RICTOR: variants seen among roughly 807,000 people sequenced by gnomAD.
RICTOR encodes rapamycin-insensitive companion of mTOR.
Under a neutral mutation model 214.9 loss-of-function variants are expected in RICTOR, and 49 were observed. The observed-to-expected ratio is 0.23, with a 90% CI of 0.18 to 0.29. The LOEUF (loss-of-function observed/expected upper bound fraction) is 0.29. Ranked by LOEUF, RICTOR falls within the 10% of genes least tolerant of loss-of-function variation. The probability of loss-of-function intolerance (pLI) is 1.00; values close to 1 mark genes in which losing one functional copy is unlikely to be tolerated. For synonymous variants in RICTOR, 717 were observed against 711.3 expected (o/e 1.01, Z -0.13); for missense variants, 1,625 against 2,047.0 (o/e 0.79, Z 3.98).
intron 2 of RICTOR, among the ~76,000 whole-genome samples, chr5:39,055,516 C>G (rs894533812): frequency 6.0e-5 from 9 of 149,498 alleles, no homozygotes; most frequent in African/African-American, 2.2e-4. Context: ...TGTTCTCCCC[C>G]CTAGACTATA....
intron 2 of RICTOR, among the ~76,000 whole-genome samples, chr5:39,043,134 C>A (rs1350620911): frequency 6.6e-6 from 1 of 151,892 alleles, no homozygotes; most frequent in African/African-American, 2.4e-5. Flanking sequence ...ATAAATATAG[C>A]CAAAGGAAAC....
chr5:38,986,454 T>C (rs1310337881), intron 7 of RICTOR, among the ~76,000 whole-genome samples: 2 of 152,202 alleles, frequency 1.3e-5, no homozygotes, highest in African/African-American at 4.8e-5. Flanking sequence ...TCTATAATAT[T>C]ACTGGAATTT....
intron 24 of RICTOR, 35 bp from the exon 25 acceptor site, chr5:38,957,765 G>T: frequency 8.4e-7 from 1 of 1,183,752 alleles, no homozygotes; most frequent in Non-Finnish European, 1.2e-6. Flanking sequence ...TTAACATTGA[G>T]TCTGGCAAAA....
At chr5:38,955,324 G>C (rs1749162353) in intron 26 of RICTOR, among the ~76,000 whole-genome samples, 2 of 151,938 alleles carry the variant, frequency 1.3e-5, no homozygotes, top group Admixed American at 1.3e-4. Flanking sequence ...GATAAGTGAT[G>C]TTCAACCTGT....
intron 2 of RICTOR, among the ~76,000 whole-genome samples, chr5:39,037,087 T>G (rs1432119649): frequency 6.6e-6 from 1 of 152,016 alleles, no homozygotes; most frequent in Non-Finnish European, 1.5e-5. Flanking sequence ...CCTCAGGAAA[T>G]GTAAAAGGAC....
intron 2 of RICTOR, among the ~76,000 whole-genome samples, chr5:39,040,688 T>C (rs1336013762): frequency 6.6e-6 from 1 of 152,008 alleles, no homozygotes; most frequent in Non-Finnish European, 1.5e-5. Context: ...CATAATTTTA[T>C]TACTTATATA....
chr5:38,953,136 T>G (rs749203500), intron 28 of RICTOR, 45 bp from the exon 29 acceptor site: 1 of 1,333,490 alleles, frequency 7.5e-7, no homozygotes, highest in Admixed American at 1.8e-5. Context: ...GAGTCACTCT[T>G]TCAAAAGATT....
At chr5:38,951,572 T>C (rs555662305) in intron 30 of RICTOR, among the ~76,000 whole-genome samples, 6 of 152,106 alleles carry the variant, frequency 3.9e-5, no homozygotes, top group Middle Eastern at 6.8e-3. Flanking sequence ...ACATAAAATA[T>C]TGGCATATTT....
chr5:39,047,619 A>C (rs976963453), intron 2 of RICTOR, among the ~76,000 whole-genome samples: 1 of 152,206 alleles, frequency 6.6e-6, no homozygotes, highest in Non-Finnish European at 1.5e-5. Context: ...CTATTCAAAA[A>C]CTATTATTTC....
intron 3 of RICTOR, among the ~76,000 whole-genome samples, chr5:39,008,335 C>G (rs1228595873): frequency 6.6e-6 from 1 of 152,000 alleles, no homozygotes; most frequent in Non-Finnish European, 1.5e-5. Context: ...TGAATACACA[C>G]AGAAGTAACA....
At chr5:39,023,918 T>C (rs924778085) in intron 2 of RICTOR, among the ~76,000 whole-genome samples, 1 of 152,212 alleles carries the variant, frequency 6.6e-6, no homozygotes, top group Non-Finnish European at 1.5e-5. Context: ...ATATTTTTAA[T>C]GTAAATAAAA....
At chr5:38,958,067 C>A (rs897196760) in intron 24 of RICTOR, among the ~76,000 whole-genome samples, 3 of 151,860 alleles carry the variant, frequency 2.0e-5, no homozygotes, top group Non-Finnish European at 2.9e-5. Flanking sequence ...GAAACTCCAA[C>A]TCTACTAAAA....
At chr5:38,968,856 C>A (rs535878670) in intron 11 of RICTOR, among the ~76,000 whole-genome samples, 1 of 151,812 alleles carries the variant, frequency 6.6e-6, no homozygotes, top group African/African-American at 2.4e-5. Context: ...TTCCAGTATA[C>A]TGCCCCTGGA....
At chr5:39,007,682 T>C (rs753629747) in intron 3 of RICTOR, among the ~76,000 whole-genome samples, 8 of 152,148 alleles carry the variant, frequency 5.3e-5, no homozygotes, top group Middle Eastern at 3.4e-3. Flanking sequence ...ATATGACATA[T>C]ATTCATTTTT....
chr5:38,962,502 T>C lies in RICTOR; in HGVS notation c.1651A>G (p.Ile551Val). The C allele has an allele frequency of 6.4e-7, 1 of 1,562,162 alleles. No homozygotes were observed. Among genetic ancestry groups the C allele is most frequent in the South Asian group, 1.2e-5 (1 of 85,216 alleles). Reference protein sequence around the residue: ...KENLEWNWNLIGTILKWPNVN... With the variant: ...KENLEWNWNLVGTILKWPNVN... ...TTTCATACCTTAAGAATGGTCCCTA[T>C]AAGATTCCAATTCCATTCAAGATTC... is the stretch of plus-strand genomic sequence containing the variant. Residue 551 changes from isoleucine (I) to valine (V), a missense_variant, in exon 18 of 38, where the codon ATA becomes GTA. Around this residue, in one of 5 missense-constraint regions of RICTOR, gnomAD observed 1,214 missense variants for 1,470.5 expected, o/e 0.83. Coordinates refer to ENST00000357387, the MANE Select transcript of RICTOR (RefSeq NM_152756.5).
At chr5:39,065,314 A>G (rs914145469) in intron 2 of RICTOR, among the ~76,000 whole-genome samples, 4 of 152,180 alleles carry the variant, frequency 2.6e-5, no homozygotes, top group African/African-American at 9.7e-5. Context: ...AAAACCTACT[A>G]TCACGAAGAC....
At chr5:38,959,520 G>A (rs1457987223) in intron 21 of RICTOR, among the ~76,000 whole-genome samples, 199 bp from the exon 22 acceptor site, 1 of 152,056 alleles carries the variant, frequency 6.6e-6, no homozygotes, top group Non-Finnish European at 1.5e-5. Context: ...ATCATACATA[G>A]TTACTATTTT....
intron 2 of RICTOR, among the ~76,000 whole-genome samples, chr5:39,025,447 C>A (rs1318463607): frequency 3.9e-5 from 6 of 152,232 alleles, no homozygotes; most frequent in Non-Finnish European, 8.8e-5. Flanking sequence ...TCCAATGCAG[C>A]TATGCAACTC....
chr5:38,987,714 T>C (rs1239255), intron 7 of RICTOR, among the ~76,000 whole-genome samples: 146,138 of 152,070 alleles, frequency 0.96, 70,314 homozygotes, highest in East Asian at 0.99. Flanking sequence ...CTTCAGTTCT[T>C]GTTTGATCTC....
Sources: gnomAD v4.1 joint callset for allele counts (sites outside exome capture counted in the v4.1 genomes callset) on GRCh38, gnomAD v4.1.1 for gene constraint, gnomAD v4.1.1 regional missense constraint, MANE v1.5 for transcripts, NCBI Gene and HGNC (gene_info 2026-07-23, HGNC 2026-07-21) for gene names.